The following HEATR5A variants were observed in gnomAD, a reference collection of about 807,000 sequenced individuals.
HEATR5A encodes HEAT repeat-containing protein 5A.
In HEATR5A, 178 loss-of-function variants were observed where a neutral mutation model predicts 218.8. The observed-to-expected ratio is 0.81, with a 90% CI of 0.72 to 0.92. The LOEUF (loss-of-function observed/expected upper bound fraction) is 0.92, where lower values mean the gene tolerates loss of function less well. HEATR5A is among the 40% of genes least tolerant of loss of function. The pLI, the probability that HEATR5A is intolerant of heterozygous loss-of-function variation, is 0.00. For missense variants in HEATR5A, 2,420 were observed against 2,418.9 expected, an observed-to-expected ratio of 1.00 and a Z score of -0.01; for synonymous variants, 864 against 871.6, an observed-to-expected ratio of 0.99 and a Z score of 0.15.
At position 31,294,429 on chromosome 14, in the gene HEATR5A, A is replaced by T. The variant is rs1209241444; in HGVS notation, c.5620-325T>A. On this transcript the variant is annotated intron_variant, in intron 34 of 35. Coordinates refer to ENST00000543095, the MANE Select transcript of HEATR5A (RefSeq NM_015473.4). ...ACACCACCAAAACCCCTCCTGTAAC[A>T]TTTTTTTTTTTTTTTGAGTGCCCAG... is the stretch of plus-strand genomic sequence containing the variant. Among the ~76,000 whole-genome samples, 176 of 142,592 alleles carry T rather than the reference A, an allele frequency of 1.2e-3. 1 individual carries two copies. The highest frequency in any genetic ancestry group is 3.4e-3 in the African/African-American group (130 of 38,736). 93.5% of individuals were successfully genotyped at this position (142,592 alleles called of 152,430 possible).
intron 16 of HEATR5A, among the ~76,000 whole-genome samples, chr14:31,358,218 G>A (rs554363252): frequency 1.3e-5 from 2 of 152,298 alleles, no homozygotes; most frequent in East Asian, 1.9e-4. Flanking sequence ...TTCATTTTAA[G>A]TGAACTGATA....
chr14:31,303,410 G>A (rs543220841), intron 32 of HEATR5A, among the ~76,000 whole-genome samples: 3 of 152,214 alleles, frequency 2.0e-5, no homozygotes, highest in African/African-American at 7.2e-5. Flanking sequence ...TGCAGCCTGG[G>A]TGACACAGTA....
chr14:31,344,268 C>CTTTTTTTTTTTTTTTTTTTTTTTTTTTTT (rs577497140), intron 20 of HEATR5A, among the ~76,000 whole-genome samples: 1 of 50,830 alleles, frequency 2.0e-5, no homozygotes, highest in Non-Finnish European at 3.7e-5. Context: ...ATTAGTTATT[C>CTTTTTTTTTTTTTTTTTTTTTTTTTTTTT]TTTTTTTTTT....
chr14:31,380,977 G>A lies in HEATR5A; in HGVS notation c.1597-399C>T, dbSNP rs537604130. On this transcript the variant is annotated intron_variant, in intron 10 of 35. Coordinates refer to ENST00000543095, the MANE Select transcript of HEATR5A (RefSeq NM_015473.4). ...AAAAATGCTACATACAGCCAGGTGC[G>A]GTGGCTCACGCCTGTAATCCCAGCA... 5.9e-5 allele frequency among the ~76,000 whole-genome samples: 9 copies of A among 152,262 alleles called. 1 individual carries two copies. Among genetic ancestry groups the A allele is most frequent in the African/African-American group, 1.7e-4 (7 of 41,550 alleles).
intron 18 of HEATR5A, 75 bp from the exon 19 acceptor site, chr14:31,347,982 T>G: frequency 1.1e-6 from 1 of 917,738 alleles, no homozygotes; most frequent in Non-Finnish European, 1.5e-6. Context: ...GCATGTACAC[T>G]GTCACTTAGG....
chr14:31,329,060 T>A (rs1240395685), intron 22 of HEATR5A, among the ~76,000 whole-genome samples: 2 of 151,882 alleles, frequency 1.3e-5, no homozygotes, highest in African/African-American at 4.8e-5. Context: ...AACCATCAGA[T>A]CTTGTGAGAA....
chr14:31,298,838 T>C (rs1318577595), intron 33 of HEATR5A, among the ~76,000 whole-genome samples: 1 of 152,120 alleles, frequency 6.6e-6, no homozygotes, highest in African/African-American at 2.4e-5. Context: ...CCCTTGACCT[T>C]ACACTTTCCA....
intron 12 of HEATR5A, among the ~76,000 whole-genome samples, chr14:31,372,962 A>G (rs1438953162): frequency 7.1e-6 from 1 of 140,604 alleles, no homozygotes; most frequent in East Asian, 2.2e-4. Context: ...ACCCTTTGAG[A>G]CAGAATCTCA....
At chr14:31,336,581 C>A (rs886442591) in intron 22 of HEATR5A, among the ~76,000 whole-genome samples, 7 of 129,964 alleles carry the variant, frequency 5.4e-5, no homozygotes, top group Middle Eastern at 7.6e-3. Context: ...AAGTGATATA[C>A]ACTTAAATCT....
intron 23 of HEATR5A, among the ~76,000 whole-genome samples, chr14:31,325,483 CATAT>C (rs150703113): frequency 0.032 from 4,717 of 148,810 alleles, 231 homozygotes; most frequent in African/African-American, 0.11. Flanking sequence ...TATGTATGAA[CATAT>C]GTATGTATGT....
rs547107123 is a variant in HEATR5A at position 31,369,312 on chromosome 14, T to C, written c.1961+2498A>G. On this transcript the variant is annotated intron_variant, in intron 13 of 35. Coordinates refer to ENST00000543095, the MANE Select transcript of HEATR5A (RefSeq NM_015473.4). ...GCCTAGGTGACAGAGTGAGACCCTG[T>C]CTCACAAACAAGAAAAAAGGCTGAG... 7.9e-5 allele frequency among the ~76,000 whole-genome samples: 12 copies of C among 151,220 alleles called. No homozygotes were observed. The South Asian group carries it at 2.1e-3, about 26-fold the overall frequency.
chr14:31,312,288 A>G (rs1050035281), intron 28 of HEATR5A, among the ~76,000 whole-genome samples: 2 of 152,236 alleles, frequency 1.3e-5, no homozygotes, highest in Admixed American at 1.3e-4. Flanking sequence ...AACAACTTAA[A>G]GATTCTTAAT....
At chr14:31,383,833 G>A (rs1300199214) in intron 9 of HEATR5A, 62 bp from the exon 10 acceptor site, 2 of 1,365,384 alleles carry the variant, frequency 1.5e-6, no homozygotes, top group African/African-American at 2.9e-5. Context: ...CCATAAAATA[G>A]TCAAAAGAAT....
In HEATR5A at chr14:31,358,621, C is replaced by A; in HGVS notation, c.2411+16G>T. 1 of 1,607,310 alleles carries A rather than the reference C, an allele frequency of 6.2e-7. No individual in the cohort carries two copies. The highest frequency in any genetic ancestry group is 1.1e-5 in the South Asian group (1 of 90,282). On this transcript the variant is annotated intron_variant, in intron 16 of 35. Coordinates refer to ENST00000543095, the MANE Select transcript of HEATR5A (RefSeq NM_015473.4). ...GTTCTCTATTATCCATTCACTGAAC[C>A]ATTGAAGATATTTACCTTTGAGTTT...
chr14:31,401,750 C>A (rs1473322475), intron 2 of HEATR5A, among the ~76,000 whole-genome samples: 1 of 152,204 alleles, frequency 6.6e-6, no homozygotes, highest in Non-Finnish European at 1.5e-5. Context: ...TATATAGCTG[C>A]ATAAAGCAGT....
chr14:31,364,007 GT>G (rs1367146853), intron 14 of HEATR5A, among the ~76,000 whole-genome samples, 181 bp downstream of exon 14: 1 of 151,758 alleles, frequency 6.6e-6, no homozygotes, highest in East Asian at 1.9e-4. Flanking sequence ...AACCCCGAAT[GT>G]TTTTTTTACT....
intron 16 of HEATR5A, among the ~76,000 whole-genome samples, chr14:31,351,913 T>A (rs996702259): frequency 6.6e-6 from 1 of 152,110 alleles, no homozygotes; most frequent in Non-Finnish European, 1.5e-5. Flanking sequence ...CTGTGCCTGG[T>A]CATTTTTCTT....
In HEATR5A at chr14:31,407,012, G is replaced by A. The variant is rs994504260; in HGVS notation, c.-74-3963C>T. Among the ~76,000 whole-genome samples, 5 of 145,690 alleles carry A rather than the reference G, an allele frequency of 3.4e-5. 1 individual carries two copies. In the South Asian group the frequency reaches 8.8e-4, roughly 26 times the overall value. ...AAAAAAAAAAGCGAGAAGTAGGGCC[G>A]GGCACAGTGGCTCACGCCTATAATC... On this transcript the variant is annotated intron_variant, in intron 1 of 35. Coordinates refer to ENST00000543095, the MANE Select transcript of HEATR5A (RefSeq NM_015473.4).
chr14:31,338,943 C>A (rs529197834), intron 21 of HEATR5A, among the ~76,000 whole-genome samples: 3 of 151,580 alleles, frequency 2.0e-5, no homozygotes, highest in Non-Finnish European at 2.9e-5. Context: ...ATGGTGAAAC[C>A]CTGTCTCTGC....
Sources: gnomAD v4.1 joint callset for allele counts (sites outside exome capture counted in the v4.1 genomes callset) on GRCh38, gnomAD v4.1.1 for gene constraint, MANE v1.5 for transcripts, NCBI Gene and HGNC (gene_info 2026-07-23, HGNC 2026-07-21) for gene names.